Variants in CHPT1 observed in about 807,000 individuals in gnomAD.
CHPT1 encodes cholinephosphotransferase 1.
In CHPT1, 36 loss-of-function variants were observed where a neutral mutation model predicts 47.6. The observed-to-expected ratio is 0.76, with a 90% CI of 0.58 to 1.00. The LOEUF is 1.00. CHPT1 is among the 50% of genes least tolerant of loss of function. The pLI is 0.00. For missense variants in CHPT1, 458 were observed against 498.1 expected (o/e 0.92, Z 0.77); for synonymous variants, 194 against 186.3 (o/e 1.04, Z -0.33).
At chr12:101,702,062 A>G (rs2136998126) in intron 1 of CHPT1, among the ~76,000 whole-genome samples, 1 of 152,248 alleles carries the variant, frequency 6.6e-6, no homozygotes, top group East Asian at 1.9e-4. Flanking sequence ...TGGCTACCTA[A>G]TCTTAAAATA....
At chr12:101,723,572 T>A (rs1342081708) in intron 6 of CHPT1, 150 bp from the exon 7 acceptor site, 1 of 622,702 alleles carries the variant, frequency 1.6e-6, no homozygotes, top group Non-Finnish European at 2.6e-6. Flanking sequence ...GCTACCCAGT[T>A]GTGAATTTGA....
At chr12:101,705,872 T>G (rs1644048419) in intron 1 of CHPT1, among the ~76,000 whole-genome samples, 1 of 148,690 alleles carries the variant, frequency 6.7e-6, no homozygotes, top group African/African-American at 2.5e-5. Flanking sequence ...ATTACAGGCA[T>G]GCACCCCCAC....
Position 101,714,206 on chromosome 12 carries a change from CT to C in CHPT1, c.393del (p.Phe131LeufsTer23). 6.2e-7 allele frequency: 1 copy of C among 1,608,056 alleles called. No individual in the cohort carries two copies. ...ACTCTTGTTCCCCTTTAGGGGAGCTCTTTGACCATGGCTGTGACTCTCTTTC... is the reference window on the plus strand; with the variant it reads ...ACTCTTGTTCCCCTTTAGGGGAGCTCTTGACCATGGCTGTGACTCTCTTTC... ...TNSCSPLGEL[F>X]DHGCDSLSTV... On this transcript the variant is annotated frameshift_variant, in exon 2 of 9. Coordinates refer to ENST00000229266, the MANE Select transcript of CHPT1 (RefSeq NM_020244.3). LOFTEE classifies it high-confidence loss of function.
At chr12:101,701,061 G>A (rs931615904) in intron 1 of CHPT1, among the ~76,000 whole-genome samples, 6 of 152,202 alleles carry the variant, frequency 3.9e-5, no homozygotes, top group Admixed American at 3.3e-4. Context: ...TAAGCATGAT[G>A]CTAATTTCTA....
rs1299741470 is a variant in CHPT1, at chr12:101,726,186, G to A, written c.1066-108G>A. The A allele has an allele frequency of 1.1e-5, 8 of 711,190 alleles. No individual in the cohort carries two copies. The Admixed American group carries it at 1.6e-4, about 14-fold the overall frequency. 44.1% of individuals were successfully genotyped at this position (711,190 alleles called of 1,614,324 possible). ...AGTGCTTTAAAATGTAGTATTTTTG[G>A]TGAAGAATTTTAGGTTAAGGTTTGA... On this transcript the variant is annotated intron_variant, in intron 7 of 8. Transcript: ENST00000229266.
At chr12:101,722,964 C>T (rs185943288) in intron 5 of CHPT1, among the ~76,000 whole-genome samples, 1 of 152,306 alleles carries the variant, frequency 6.6e-6, no homozygotes. Context: ...AATCAGACAT[C>T]TGTGGCACTG....
chr12:101,725,736 G>T (rs1199260681), intron 7 of CHPT1, among the ~76,000 whole-genome samples: 1 of 152,124 alleles, frequency 6.6e-6, no homozygotes, highest in Non-Finnish European at 1.5e-5. Flanking sequence ...CAAGGGCAGA[G>T]CTATGAGTCT....
intron 8 of CHPT1, 23 bp downstream of exon 8, chr12:101,726,427 T>TAATA (rs150656379): frequency 0.017 from 26,686 of 1,601,756 alleles, 445 homozygotes; most frequent in African/African-American, 0.083. Flanking sequence ...ATTGACTGAC[T>TAATA]AATAGCCCAA....
At chr12:101,718,408 T>G (rs1436821860) in intron 4 of CHPT1, among the ~76,000 whole-genome samples, 2 of 152,082 alleles carry the variant, frequency 1.3e-5, no homozygotes, top group Admixed American at 6.5e-5. Context: ...CTAAAACCAC[T>G]CTAAAAAATT....
At chr12:101,719,267 T>A (rs1462645942) in intron 4 of CHPT1, among the ~76,000 whole-genome samples, 1 of 152,110 alleles carries the variant, frequency 6.6e-6, no homozygotes, top group Admixed American at 6.6e-5. Context: ...ATCTTAAAAT[T>A]GTTTCACTCA....
chr12:101,703,883 C>T (rs1446596502), intron 1 of CHPT1, among the ~76,000 whole-genome samples: 2 of 152,034 alleles, frequency 1.3e-5, no homozygotes, highest in Non-Finnish European at 2.9e-5. Context: ...CGTAGAATCT[C>T]TTGTGATCCC....
At chr12:101,725,147 CATCT>C (rs1334358350) in intron 7 of CHPT1, among the ~76,000 whole-genome samples, 3 of 152,052 alleles carry the variant, frequency 2.0e-5, no homozygotes, top group Non-Finnish European at 4.4e-5. Context: ...TACAGGAGTA[CATCT>C]AATGGTCCCT....
rs866895258 is a variant in CHPT1 at position 101,714,217 on chromosome 12, G to T, written c.401G>T (p.Gly134Val). The change falls in exon 2 of 9, where the codon GGC (glycine) becomes GTC (valine). Residue 134 changes from glycine (G) to valine (V), a missense_variant. Coordinates refer to ENST00000229266, the MANE Select transcript of CHPT1 (RefSeq NM_020244.3). ...CSPLGELFDH[G>V]CDSLSTVFMA... ...CCTTTAGGGGAGCTCTTTGACCATG[G>T]CTGTGACTCTCTTTCCACAGGTAAA... The T allele has an allele frequency of 1.3e-6, 2 of 1,596,274 alleles. No individual in the cohort carries two copies. The highest frequency in any genetic ancestry group is 1.7e-4 in the Middle Eastern group (1 of 5,974).
intron 1 of CHPT1, among the ~76,000 whole-genome samples, chr12:101,701,928 A>G (rs1304738502): frequency 6.6e-6 from 1 of 152,194 alleles, no homozygotes; most frequent in Non-Finnish European, 1.5e-5. Context: ...TGGCCTTGGT[A>G]GTTTTAAGTA....
In CHPT1 at chr12:101,723,290, T is replaced by TG; in HGVS notation, c.905dup (p.Cys303MetfsTer5). On this transcript the variant is annotated frameshift_variant, in exon 6 of 9. Coordinates refer to ENST00000229266, the MANE Select transcript of CHPT1 (RefSeq NM_020244.3). LOFTEE classifies it high-confidence loss of function. ...ATCCTTGTCTTTATATCCTAATGTT[T>TG]GGATGTGTCTTTGCTAAAGTCTCAC... 6 of 1,609,238 alleles carry TG rather than the reference T, an allele frequency of 3.7e-6. No individual in the cohort carries two copies. Among genetic ancestry groups the TG allele is most frequent in the Non-Finnish European group, 5.1e-6 (6 of 1,177,072 alleles).
Position 101,698,007 on chromosome 12 carries a change from A to T in CHPT1, c.146A>T (p.Tyr49Phe). 1 of 1,573,646 alleles carries T rather than the reference A, an allele frequency of 6.4e-7. No homozygotes were observed. Among genetic ancestry groups the T allele is most frequent in the Non-Finnish European group, 8.5e-7 (1 of 1,169,666 alleles). Residue 49 changes from tyrosine (Y) to phenylalanine (F), a missense_variant, in exon 1 of 9, where the codon TAC becomes TTC. Transcript: ENST00000229266. ...VSLLEPPLQL[Y>F]WTWLLQWIPL... ...CTGCTCGAGCCGCCGCTGCAGCTCT[A>T]CTGGACCTGGCTGCTCCAGTGGATC...
rs1002283229 is a variant in CHPT1, at chr12:101,720,310, CA to C, written c.780+57del. 3.6e-4 allele frequency: 523 copies of C among 1,437,554 alleles called. 4 individuals are homozygous for C. The Middle Eastern group carries it at 0.015, about 42-fold the overall frequency. The allele number at this position is 1,437,554 out of a possible 1,614,324, so 89.0% of individuals were successfully genotyped here. ...ATTTTATGATACATTTTCTTATCAC[CA>C]GTTATAAAAAGATTAAAATATGCCA... On this transcript the variant is annotated intron_variant, in intron 5 of 8. Transcript: ENST00000229266.
chr12:101,707,403 G>A (rs575527465), intron 1 of CHPT1, among the ~76,000 whole-genome samples: 1 of 152,312 alleles, frequency 6.6e-6, no homozygotes, highest in Admixed American at 6.5e-5. Flanking sequence ...GGCCAGAAGA[G>A]CTGTTCCTAA....
intron 8 of CHPT1, chr12:101,727,700 G>A (rs558623613): frequency 6.6e-6 from 1 of 152,158 alleles, no homozygotes; most frequent in African/African-American, 2.4e-5. Context: ...TTCTTACAAG[G>A]ATGAATAGTA....
Sources: gnomAD v4.1 joint callset for allele counts (sites outside exome capture counted in the v4.1 genomes callset) on GRCh38, gnomAD v4.1.1 for gene constraint, MANE v1.5 for transcripts, NCBI Gene and HGNC (gene_info 2026-07-23, HGNC 2026-07-21) for gene names.